Variants in LNX2 observed in about 807,000 individuals in gnomAD.
LNX2 encodes ligand of numb-protein X 2, also known as ligand of Numb protein X 2.
A neutral mutation model predicts 66.2 loss-of-function variants in LNX2; 35 were observed. That is an observed-to-expected ratio of 0.53 (90% CI 0.40 to 0.70). The LOEUF is 0.70. Among genes scored for constraint, LNX2 ranks in the 30% least tolerant of loss-of-function variants. LNX2 has a pLI of 0.00. For synonymous variants in LNX2, 337 were observed against 315.6 expected (o/e 1.07, Z -0.72); for missense variants, 791 against 850.8 (o/e 0.93, Z 0.87).
chr13:27,569,243 C>T lies in LNX2; in HGVS notation c.441G>A (p.Leu147=). Residue 147 remains leucine (L), a synonymous_variant, in exon 3 of 10, where the codon CTG becomes CTA. Transcript: ENST00000316334. ...CPGASHRRVA[L]ERRKTSRTQA... ...GAGTTCTACTAGTTTTCCTTCTCTC[C>T]AGGGCAACTCTCCGATGAGAAGCTC... The T allele has an allele frequency of 6.2e-7, 1 of 1,613,258 alleles. No individual in the cohort carries two copies. Among genetic ancestry groups the T allele is most frequent in the Non-Finnish European group, 8.5e-7 (1 of 1,179,660 alleles).
At chr13:27,562,104 G>A (rs957333003) in intron 5 of LNX2, among the ~76,000 whole-genome samples, 13 of 152,158 alleles carry the variant, frequency 8.5e-5, no homozygotes, top group Non-Finnish European at 1.3e-4. Flanking sequence ...TCTAAAAGGT[G>A]GACATATCAT....
In LNX2 at chr13:27,597,812, C is replaced by T. The variant is rs1445570782; in HGVS notation, c.-100-16009G>A. On this transcript the variant is annotated intron_variant, in intron 1 of 9. Transcript: ENST00000316334. ...AAAAGCGGGTAAGAAAAGGTGTTAGCATACCATAACCAGCATAGACATATC... is the reference window on the plus strand; with the variant it reads ...AAAAGCGGGTAAGAAAAGGTGTTAGTATACCATAACCAGCATAGACATATC... Among the ~76,000 whole-genome samples the T allele has an allele frequency of 2.0e-5, 3 of 152,160 alleles. No homozygotes were observed. In the East Asian group the frequency reaches 5.8e-4, roughly 29 times the overall value.
intron 1 of LNX2, among the ~76,000 whole-genome samples, chr13:27,610,305 G>C (rs1362331055): frequency 1.3e-5 from 2 of 152,182 alleles, no homozygotes; most frequent in African/African-American, 4.8e-5. Flanking sequence ...AAAAACAACA[G>C]AGAAATTCAC....
chr13:27,594,277 G>A (rs1420112052), intron 1 of LNX2, among the ~76,000 whole-genome samples: 4 of 151,996 alleles, frequency 2.6e-5, no homozygotes, highest in African/African-American at 7.2e-5. Context: ...CTTAGCCCCA[G>A]TTTTTTCTTA....
intron 1 of LNX2, among the ~76,000 whole-genome samples, chr13:27,592,984 G>C (rs1955560246): frequency 1.3e-5 from 2 of 152,186 alleles, no homozygotes; most frequent in African/African-American, 2.4e-5. Context: ...AAGGAGTTAA[G>C]AGCATAGACA....
intron 1 of LNX2, among the ~76,000 whole-genome samples, chr13:27,582,727 A>G (rs562077878): frequency 1.3e-5 from 2 of 151,956 alleles, no homozygotes; most frequent in Admixed American, 1.3e-4. Context: ...AACATCACAC[A>G]CCAGGGCCTG....
intron 4 of LNX2, among the ~76,000 whole-genome samples, chr13:27,566,512 C>T (rs1955207813): frequency 6.6e-6 from 1 of 152,136 alleles, no homozygotes; most frequent in Non-Finnish European, 1.5e-5. Flanking sequence ...AGGACCCTGA[C>T]TATTAGATTA....
chr13:27,606,421 C>T (rs1955717635), intron 1 of LNX2, among the ~76,000 whole-genome samples: 1 of 144,136 alleles, frequency 6.9e-6, no homozygotes, highest in South Asian at 2.2e-4. Context: ...AAAAAAGGCT[C>T]AAATAATCAT....
chr13:27,558,329 C>A (rs1345379677), intron 6 of LNX2, among the ~76,000 whole-genome samples: 1 of 151,778 alleles, frequency 6.6e-6, no homozygotes, highest in African/African-American at 2.4e-5. Flanking sequence ...TTGCAGAGTG[C>A]CTGGAATAGA....
At chr13:27,573,127 T>C (rs1955302576) in intron 2 of LNX2, among the ~76,000 whole-genome samples, 1 of 152,146 alleles carries the variant, frequency 6.6e-6, no homozygotes, top group Admixed American at 6.5e-5. Flanking sequence ...GAGAGCTCTG[T>C]GGCATTTGAG....
chr13:27,554,228 A>C (rs190713934), intron 7 of LNX2, among the ~76,000 whole-genome samples: 1 of 152,348 alleles, frequency 6.6e-6, no homozygotes, highest in Admixed American at 6.5e-5. Flanking sequence ...TTACCCCAAT[A>C]CTACAACTGG....
chr13:27,556,287 T>C lies in LNX2; in HGVS notation c.1495A>G (p.Thr499Ala), dbSNP rs1299388683. The change falls in exon 7 of 10, where the codon ACC (threonine) becomes GCC (alanine). Residue 499 changes from threonine (T) to alanine (A), a missense_variant. Coordinates refer to ENST00000316334, the MANE Select transcript of LNX2 (RefSeq NM_153371.4). ...SKSGELPIFV[T>A]SVPPHGCLAR... Reference sequence around the variant, plus strand: ...AGGCAGCCATGGGGTGGCACACTGGTCACAAAGATGGGCAGCTCACCACTC... The same window carrying C: ...AGGCAGCCATGGGGTGGCACACTGGCCACAAAGATGGGCAGCTCACCACTC... The C allele has an allele frequency of 6.2e-7, 1 of 1,614,048 alleles. No individual in the cohort carries two copies. The highest frequency in any genetic ancestry group is 8.5e-7 in the Non-Finnish European group (1 of 1,179,962).
intron 1 of LNX2, among the ~76,000 whole-genome samples, chr13:27,601,462 C>T (rs1323720175): frequency 1.3e-5 from 2 of 152,162 alleles, no homozygotes; most frequent in Non-Finnish European, 2.9e-5. Context: ...CAAAGAAAGA[C>T]AACTGCATTA....
Position 27,599,770 on chromosome 13 carries a change from A to G in LNX2, c.-100-17967T>C, listed in dbSNP as rs559171339. Among the ~76,000 whole-genome samples the G allele has an allele frequency of 3.9e-5, 6 of 152,286 alleles. No homozygotes were observed. In the East Asian group the frequency reaches 9.6e-4, roughly 24 times the overall value. ...TCAAAGGCACCCCAAAGAGGCAAATATTTAGCAACTTTCTCTCAAATCAAA... is the reference window on the plus strand; with the variant it reads ...TCAAAGGCACCCCAAAGAGGCAAATGTTTAGCAACTTTCTCTCAAATCAAA... On this transcript the variant is annotated intron_variant, in intron 1 of 9. Coordinates refer to ENST00000316334, the MANE Select transcript of LNX2 (RefSeq NM_153371.4).
chr13:27,556,140 T>C lies in LNX2; in HGVS notation c.1546+96A>G, dbSNP rs188229575. ...CAGTTTAAAGAACTTAAAAAAGTCA[T>C]GTTTAATAGATACTTTGTAGATATT... On this transcript the variant is annotated intron_variant, in intron 7 of 9. Transcript: ENST00000316334. The C allele has an allele frequency of 1.5e-3, 1,791 of 1,199,008 alleles. 7 individuals are homozygous for C. The highest frequency in any genetic ancestry group is 2.4e-3 in the Admixed American group (97 of 40,426). 74.3% of individuals were successfully genotyped at this position (1,199,008 alleles called of 1,614,324 possible). A position where few individuals can be genotyped will look rare whatever the true frequency, so the allele number is the denominator to read the frequency against.
At chr13:27,604,558 T>C (rs1254457771) in intron 1 of LNX2, among the ~76,000 whole-genome samples, 2 of 152,212 alleles carry the variant, frequency 1.3e-5, no homozygotes, top group Non-Finnish European at 2.9e-5. Context: ...GAGCAAACCA[T>C]GGAGATATAA....
chr13:27,550,938 C>G lies in LNX2; in HGVS notation c.1779-447G>C, dbSNP rs944556705. On this transcript the variant is annotated intron_variant, in intron 8 of 9. Transcript: ENST00000316334. Reference sequence around the variant, plus strand: ...AATGAAAGAAGAAAAAGATTAGGAACGCAGCTTCCGAAAAGAAGGCAGATA... The same window carrying G: ...AATGAAAGAAGAAAAAGATTAGGAAGGCAGCTTCCGAAAAGAAGGCAGATA... 2.0e-5 allele frequency among the ~76,000 whole-genome samples: 3 copies of G among 152,220 alleles called. No homozygotes were observed. In the South Asian group the frequency reaches 6.2e-4, roughly 32 times the overall value.
intron 1 of LNX2, among the ~76,000 whole-genome samples, chr13:27,606,307 C>A (rs549347309): frequency 6.6e-6 from 1 of 150,464 alleles, no homozygotes; most frequent in Admixed American, 6.6e-5. Flanking sequence ...CATGAAGATG[C>A]CCAGATTAAT....
Position 27,617,662 on chromosome 13 carries a change from C to A in LNX2, c.-101+2713G>T, listed in dbSNP as rs1261620551. On this transcript the variant is annotated intron_variant, in intron 1 of 9. Coordinates refer to ENST00000316334, the MANE Select transcript of LNX2 (RefSeq NM_153371.4). ...CCTTCACCCTCCCCTTCCTCTAAAT[C>A]TCTCATAAAGCTTACCATACTCATA... Among the ~76,000 whole-genome samples the A allele has an allele frequency of 4.6e-5, 7 of 152,314 alleles. No individual in the cohort carries two copies. In the East Asian group the frequency reaches 1.2e-3, roughly 25 times the overall value.
Sources: allele counts gnomAD v4.1 joint callset (sites outside exome capture counted in the v4.1 genomes callset), GRCh38; gene constraint gnomAD v4.1.1; transcripts MANE v1.5; gene names NCBI Gene and HGNC (gene_info 2026-07-23, HGNC 2026-07-21).